The following ATP2C2 variants were observed in gnomAD, a reference collection of about 807,000 sequenced individuals.
ATP2C2 encodes ATPase secretory pathway Ca2+ transporting 2, also known as calcium-transporting ATPase type 2C member 2.
In ATP2C2, 171 loss-of-function variants were observed where a neutral mutation model predicts 110.8. The ratio of observed to expected loss-of-function variants is 1.54; its 90% CI spans 1.36 to 1.75. The LOEUF is 1.75. Among genes scored for constraint, ATP2C2 ranks in the 40% most tolerant of loss-of-function variants. The pLI, the probability that ATP2C2 is intolerant of heterozygous loss-of-function variation, is 0.00. For missense variants in ATP2C2, 1,963 were observed against 1,235.0 expected (o/e 1.59, Z -8.84); for synonymous variants, 804 against 508.4 (o/e 1.58, Z -7.82).
intron 24 of ATP2C2, 130 bp downstream of exon 24, chr16:84,460,931 G>A (rs1490365363): frequency 1.5e-5 from 20 of 1,309,310 alleles, no homozygotes; most frequent in Admixed American, 2.5e-5. Flanking sequence ...CGGACAATGT[G>A]ATGCCATCAG....
intron 11 of ATP2C2, among the ~76,000 whole-genome samples, chr16:84,430,566 G>A (rs1042714108): frequency 6.6e-6 from 1 of 150,976 alleles, no homozygotes; most frequent in African/African-American, 2.4e-5. Context: ...CTTGAACCCG[G>A]GAGGCAGAGG....
At chr16:84,420,828 CAG>C (rs769765856) in intron 7 of ATP2C2, among the ~76,000 whole-genome samples, 3 of 152,186 alleles carry the variant, frequency 2.0e-5, no homozygotes, top group East Asian at 3.9e-4. Flanking sequence ...TTGTTTTGAG[CAG>C]AGTCTCTCTC....
At chr16:84,422,305 A>G in intron 7 of ATP2C2, 85 bp from the exon 8 acceptor site, 1 of 1,465,068 alleles carries the variant, frequency 6.8e-7, no homozygotes. Context: ...CATGTCCATG[A>G]AGGTGCTGGT....
chr16:84,425,763 AG>A lies in ATP2C2; in HGVS notation c.951del (p.Lys318AsnfsTer4). 6.2e-7 allele frequency: 1 copy of A among 1,614,138 alleles called. No homozygotes were observed. The highest frequency in any genetic ancestry group is 8.5e-7 in the Non-Finnish European group (1 of 1,180,034). ...TCATCATGCTCATTGGCTGGTCGCA[AG>A]GGAAACAACTCCTGAGTATGTTCAC... is the stretch of plus-strand genomic sequence containing the variant. ...GLIMLIGWSQ[G>X]KQLLSMFTIG... On this transcript the variant is annotated frameshift_variant, in exon 11 of 27. Transcript: ENST00000262429. LOFTEE classifies it high-confidence loss of function.
intron 1 of ATP2C2, among the ~76,000 whole-genome samples, chr16:84,388,523 A>C (rs4782945): frequency 0.85 from 129,088 of 152,024 alleles, 54,983 homozygotes; most frequent in East Asian, 0.99. Context: ...GAATCCTGGA[A>C]TAAGATAAAA....
chr16:84,461,306 G>A (rs1180073693), intron 24 of ATP2C2: 1 of 301,672 alleles, frequency 3.3e-6, no homozygotes, highest in Non-Finnish European at 6.2e-6. Context: ...GCAGGAAGCG[G>A]GAGGGGACCC....
At position 84,423,152 on chromosome 16, in the gene ATP2C2, T is replaced by A. The variant is rs146980662; in HGVS notation, c.844-36T>A. On this transcript the variant is annotated intron_variant, in intron 9 of 26. Coordinates refer to ENST00000262429, the MANE Select transcript of ATP2C2 (RefSeq NM_014861.4). The stretch of plus-strand genomic sequence containing the variant: ...GAACAAAGGCAGGCAGAAGCTAGGA[T>A]CTTGTCCAACTAACCCATTGTGCTC... The A allele has an allele frequency of 5.1e-6, 8 of 1,576,260 alleles. No individual in the cohort carries two copies. In the Admixed American group the frequency reaches 1.3e-4, roughly 26 times the overall value.
intron 16 of ATP2C2, among the ~76,000 whole-genome samples, chr16:84,446,997 G>A (rs568708876): frequency 6.6e-6 from 1 of 152,298 alleles, no homozygotes; most frequent in Non-Finnish European, 1.5e-5. Context: ...CCTGGCTAGA[G>A]GAACACATAC....
chr16:84,407,920 T>C (rs1290210769), intron 3 of ATP2C2, among the ~76,000 whole-genome samples: 1 of 152,228 alleles, frequency 6.6e-6, no homozygotes, highest in African/African-American at 2.4e-5. Context: ...TAAAATAAAG[T>C]AAAAATCTTC....
chr16:84,397,564 T>G (rs1905061766), intron 1 of ATP2C2, among the ~76,000 whole-genome samples: 3 of 146,456 alleles, frequency 2.0e-5, no homozygotes, highest in Non-Finnish European at 4.5e-5. Flanking sequence ...GGTCCTGCTA[T>G]TCAGGAGGCT....
Position 84,410,731 on chromosome 16 carries a change from G to T in ATP2C2, c.481G>T (p.Glu161Ter). 6.2e-7 allele frequency: 1 copy of T among 1,614,210 alleles called. No homozygotes were observed. The highest frequency in any genetic ancestry group is 8.5e-7 in the Non-Finnish European group (1 of 1,180,034). The stretch of plus-strand genomic sequence containing the variant: ...GTACAGGTCGGAGAAATCTCTGGAA[G>T]AGCTGACCAAGCTGGTTCCTCCAGA... ...QEYRSEKSLE[E>*]LTKLVPPECN... The change falls in exon 6 of 27, where the codon GAG (glutamate) becomes TAG (stop). Residue 161 changes from glutamate to a stop codon, truncating the protein, a stop_gained. Coordinates refer to ENST00000262429, the MANE Select transcript of ATP2C2 (RefSeq NM_014861.4). LOFTEE classifies it high-confidence loss of function.
intron 17 of ATP2C2, among the ~76,000 whole-genome samples, chr16:84,451,274 A>G (rs56122093): frequency 0.1 from 15,455 of 152,164 alleles, 991 homozygotes; most frequent in Non-Finnish European, 0.14. Context: ...CCATGATTCA[A>G]TTATCTCCCA....
At chr16:84,423,459 C>A (rs775770988) in intron 10 of ATP2C2, among the ~76,000 whole-genome samples, 196 bp downstream of exon 10, 1 of 152,242 alleles carries the variant, frequency 6.6e-6, no homozygotes, top group Non-Finnish European at 1.5e-5. Context: ...CAAGCAGCCA[C>A]TACATTTTCT....
At chr16:84,425,696 G>T in intron 10 of ATP2C2, 39 bp from the exon 11 acceptor site, 1 of 1,600,922 alleles carries the variant, frequency 6.2e-7, no homozygotes, top group Non-Finnish European at 8.6e-7. Context: ...AGCGTGTGTA[G>T]TGCATATGGA....
At chr16:84,456,293 T>C (rs1413243122) in intron 21 of ATP2C2, among the ~76,000 whole-genome samples, 72 of 151,250 alleles carry the variant, frequency 4.8e-4, no homozygotes, top group African/African-American at 1.2e-3. Context: ...TTGATTATTG[T>C]CACAATTTCA....
In ATP2C2 at chr16:84,453,225, G is replaced by T; in HGVS notation, c.1919G>T (p.Arg640Leu). ...DSVEKGELAD[R>L]VGKVSVFFRT... Reference sequence around the variant, plus strand: ...GTGGAGAAGGGCGAGCTGGCCGACCGCGTGGGGAAGGTGGGTCCCCGGAGG... The same window carrying T: ...GTGGAGAAGGGCGAGCTGGCCGACCTCGTGGGGAAGGTGGGTCCCCGGAGG... Residue 640 changes from arginine (R) to leucine (L), a missense_variant, in exon 19 of 27, where the codon CGC (arginine) becomes CTC (leucine). Coordinates refer to ENST00000262429, the MANE Select transcript of ATP2C2 (RefSeq NM_014861.4). The T allele has an allele frequency of 1.2e-6, 2 of 1,614,046 alleles. No individual in the cohort carries two copies. Among genetic ancestry groups the T allele is most frequent in the Non-Finnish European group, 1.7e-6 (2 of 1,179,928 alleles).
At chr16:84,369,740 G>C (rs778722810) in intron 1 of ATP2C2, among the ~76,000 whole-genome samples, 2 of 152,130 alleles carry the variant, frequency 1.3e-5, no homozygotes, top group Non-Finnish European at 2.9e-5. Flanking sequence ...TTGTTTGTGA[G>C]ATTAAGTATT....
rs781658143 is a variant in ATP2C2 at position 84,459,169 on chromosome 16, G to C, written c.2197G>C (p.Val733Leu). The change falls in exon 22 of 27, where the codon GTC becomes CTC. Residue 733 changes from valine (V) to leucine (L), a missense_variant. Physicochemically the swap from Val to Leu is conservative, Grantham distance 32 (BLOSUM62 1). Transcript: ENST00000262429. ...KGIFYNIKNFVRFQLSTSISA... is the reference protein window; with the variant it reads ...KGIFYNIKNFLRFQLSTSISA... The stretch of plus-strand genomic sequence containing the variant: ...TATTTTTTACAACATCAAAAACTTT[G>C]TCCGATTCCAGCTGAGCACGTAAGT... 12 of 1,614,032 alleles carry C rather than the reference G, an allele frequency of 7.4e-6. 1 individual carries two copies. Among genetic ancestry groups the C allele is most frequent in the South Asian group, 5.5e-5 (5 of 91,094 alleles).
chr16:84,384,038 C>T (rs555102670), intron 1 of ATP2C2, among the ~76,000 whole-genome samples: 77 of 152,302 alleles, frequency 5.1e-4, no homozygotes, highest in African/African-American at 1.7e-3. Flanking sequence ...ATCCTCCCAC[C>T]TCAGCCTCCC....
Sources: gnomAD v4.1 joint callset for allele counts (sites outside exome capture counted in the v4.1 genomes callset) on GRCh38, gnomAD v4.1.1 for gene constraint, MANE v1.5 for transcripts, NCBI Gene and HGNC (gene_info 2026-07-23, HGNC 2026-07-21) for gene names.